The following FGF14 variants were observed in gnomAD, a reference collection of about 807,000 sequenced individuals.
FGF14 encodes the protein fibroblast growth factor 14.
Under a neutral mutation model 25.5 loss-of-function variants are expected in FGF14, and 5 were observed. The ratio of observed to expected loss-of-function variants is 0.20; its 90% confidence interval spans 0.10 to 0.41. The LOEUF (loss-of-function observed/expected upper bound fraction) is 0.41, where lower values mean the gene tolerates loss of function less well. FGF14 is among the 10% of genes least tolerant of loss of function. The pLI, the probability that FGF14 is intolerant of heterozygous loss-of-function variation, is 1.00. For missense variants in FGF14, 222 were observed against 320.1 expected (o/e 0.69, Z 2.34); for synonymous variants, 138 against 118.3 (o/e 1.17, Z -1.08).
intron 1 of FGF14, among the ~76,000 whole-genome samples, chr13:102,272,231 T>G (rs2141166558): frequency 6.6e-6 from 1 of 152,332 alleles, no homozygotes; most frequent in Non-Finnish European, 1.5e-5. Flanking sequence ...GGCTTGCTTT[T>G]TATTATCATG....
intron 1 of FGF14, among the ~76,000 whole-genome samples, chr13:101,888,734 G>A (rs1317452168): frequency 6.6e-6 from 1 of 152,142 alleles, no homozygotes; most frequent in African/African-American, 2.4e-5. Context: ...GCAGACAACT[G>A]TAAAGGACCA....
intron 1 of FGF14, among the ~76,000 whole-genome samples, chr13:102,058,988 T>C (rs35700852): frequency 0.39 from 58,482 of 151,418 alleles, 11,884 homozygotes; most frequent in East Asian, 0.69. Context: ...AAGATGACTA[T>C]GTGGTCACAA....
chr13:101,917,101 TGC>T (rs1302774653), upstream of FGF14, among the ~76,000 whole-genome samples: 3 of 151,510 alleles, frequency 2.0e-5, no homozygotes, highest in Non-Finnish European at 4.4e-5. Context: ...GCAGGGTCTC[TGC>T]GCGTCCGTCG....
chr13:102,092,995 G>A (rs1336188980), intron 1 of FGF14, among the ~76,000 whole-genome samples: 1 of 152,156 alleles, frequency 6.6e-6, no homozygotes, highest in Non-Finnish European at 1.5e-5. Context: ...ATGCGTGGTT[G>A]ATATACATGT....
intron 3 of FGF14, among the ~76,000 whole-genome samples, chr13:101,751,849 G>A (rs2037300467): frequency 6.6e-6 from 1 of 151,478 alleles, no homozygotes. Context: ...GCATTCATGG[G>A]ATTCCCTAAT....
chr13:102,290,200 A>G (rs1026316983), intron 1 of FGF14, among the ~76,000 whole-genome samples: 4 of 152,088 alleles, frequency 2.6e-5, no homozygotes, highest in Non-Finnish European at 4.4e-5. Context: ...CTTAGGTCAT[A>G]AGACTGAAGC....
At chr13:101,768,722 G>T (rs1178005589) in intron 3 of FGF14, among the ~76,000 whole-genome samples, 1 of 151,832 alleles carries the variant, frequency 6.6e-6, no homozygotes, top group East Asian at 1.9e-4. Flanking sequence ...TAAAGAAAAA[G>T]TAGTCTTTTC....
At chr13:102,322,789 G>A (rs947639286) in intron 1 of FGF14, among the ~76,000 whole-genome samples, 1 of 151,756 alleles carries the variant, frequency 6.6e-6, no homozygotes. Context: ...TATAATATGT[G>A]TTCTAATTCC....
chr13:102,303,395 G>A (rs780958977), intron 1 of FGF14, among the ~76,000 whole-genome samples: 1 of 152,166 alleles, frequency 6.6e-6, no homozygotes, highest in African/African-American at 2.4e-5. Context: ...AACACACCAT[G>A]AGGATGGGGA....
intron 1 of FGF14, among the ~76,000 whole-genome samples, chr13:101,875,685 G>C (rs1307136158): frequency 6.6e-6 from 1 of 151,922 alleles, no homozygotes; most frequent in African/African-American, 2.4e-5. Flanking sequence ...TTTATTAAAA[G>C]GTTTTTTAAT....
intron 1 of FGF14, among the ~76,000 whole-genome samples, chr13:102,304,470 T>A (rs1332117240): frequency 6.6e-6 from 1 of 152,146 alleles, no homozygotes; most frequent in Non-Finnish European, 1.5e-5. Context: ...TTTTGCAGAA[T>A]CACCATTACT....
chr13:102,192,883 T>C (rs1189583009), intron 1 of FGF14, among the ~76,000 whole-genome samples: 1 of 152,180 alleles, frequency 6.6e-6, no homozygotes, highest in Non-Finnish European at 1.5e-5. Context: ...ATTATATCTC[T>C]AGAAAGATAG....
At chr13:102,154,020 C>G (rs938114725) in intron 1 of FGF14, among the ~76,000 whole-genome samples, 1 of 152,126 alleles carries the variant, frequency 6.6e-6, no homozygotes, top group East Asian at 1.9e-4. Flanking sequence ...GACTTTGTCT[C>G]TGGGTTATCC....
In FGF14 at chr13:101,804,087, G is replaced by A. The variant is rs554502809; in HGVS notation, c.408+64638C>T. The stretch of plus-strand genomic sequence containing the variant: ...AGAGAATAAGAAGGAGCATGGGAAG[G>A]ATGTGTTACCATGGAGATCACTGAG... On this transcript the variant is annotated intron_variant, in intron 3 of 4. Coordinates refer to ENST00000376143, the MANE Select transcript of FGF14 (RefSeq NM_004115.4). 3.9e-5 allele frequency among the ~76,000 whole-genome samples: 6 copies of A among 152,202 alleles called. No homozygotes were observed. In the South Asian group the frequency reaches 1.2e-3, roughly 32 times the overall value.
chr13:101,862,781 A>G (rs1348732073), intron 3 of FGF14, among the ~76,000 whole-genome samples: 1 of 152,138 alleles, frequency 6.6e-6, no homozygotes, highest in Admixed American at 6.6e-5. Context: ...CAAGATACCA[A>G]GAAAGGATAA....
intron 1 of FGF14, among the ~76,000 whole-genome samples, chr13:101,974,963 A>C (rs1415210101): frequency 2.0e-5 from 3 of 152,174 alleles, no homozygotes; most frequent in African/African-American, 7.2e-5. Context: ...AGCATCTGAG[A>C]AATACGCCTA....
intron 1 of FGF14, among the ~76,000 whole-genome samples, chr13:102,146,450 T>C (rs1295202361): frequency 6.6e-6 from 1 of 152,194 alleles, no homozygotes; most frequent in African/African-American, 2.4e-5. Context: ...AGAACTTAAA[T>C]ACAGCAATAT....
At chr13:102,303,701 C>G (rs2055204626) in intron 1 of FGF14, among the ~76,000 whole-genome samples, 1 of 152,152 alleles carries the variant, frequency 6.6e-6, no homozygotes, top group African/African-American at 2.4e-5. Context: ...ACACTCAAGC[C>G]TGCTTCACTT....
intron 1 of FGF14, among the ~76,000 whole-genome samples, chr13:102,203,407 T>C (rs1026462567): frequency 1.3e-4 from 20 of 152,148 alleles, no homozygotes; most frequent in African/African-American, 4.6e-4. Flanking sequence ...AGCGCAACTA[T>C]AGAACTATTG....
Sources: gnomAD v4.1 joint callset for allele counts (sites outside exome capture counted in the v4.1 genomes callset) on GRCh38, gnomAD v4.1.1 for gene constraint, MANE v1.5 for transcripts, NCBI Gene and HGNC (gene_info 2026-07-23, HGNC 2026-07-21) for gene names.